SBNO2: variants seen among roughly 807,000 people sequenced by gnomAD.
The protein encoded by SBNO2 is protein strawberry notch homolog 2.
In SBNO2, 89 loss-of-function variants were observed where a neutral mutation model predicts 146.3. That is an observed-to-expected ratio of 0.61 (90% CI 0.51 to 0.73). The LOEUF is 0.73. SBNO2 is among the 30% of genes least tolerant of loss of function. The pLI is 0.00. For synonymous variants in SBNO2, 1,147 were observed against 892.6 expected (o/e 1.29, Z -5.08); for missense variants, 2,092 against 2,003.7 (o/e 1.04, Z -0.84).
chr19:1,149,422 G>A lies in SBNO2; in HGVS notation c.114C>T (p.Pro38=), dbSNP rs1444651421. The change falls in exon 3 of 32, where the codon CCC becomes CCT. Residue 38 remains proline, a synonymous_variant. Coordinates refer to ENST00000361757, the MANE Select transcript of SBNO2 (RefSeq NM_014963.3). Reference sequence around the variant, plus strand: ...GCGGCAGCGAGAAGGTGTTCCAGTAGGGGCAGTGCAGCATGGCGCTCTAGA... The same window carrying A: ...GCGGCAGCGAGAAGGTGTTCCAGTAAGGGCAGTGCAGCATGGCGCTCTAGA... ...PPLQSAMLHC[P]YWNTFSLPPY... 4 of 1,552,336 alleles carry A rather than the reference G, an allele frequency of 2.6e-6. No homozygotes were observed. The highest frequency in any genetic ancestry group is 2.4e-5 in the South Asian group (2 of 84,126).
chr19:1,160,687 G>A (rs1448878526), intron 1 of SBNO2, among the ~76,000 whole-genome samples: 4 of 152,212 alleles, frequency 2.6e-5, no homozygotes, highest in African/African-American at 4.8e-5. Flanking sequence ...CCGCCACCAC[G>A]GCCCGGATAA....
rs1371081262 is a variant in SBNO2, at chr19:1,123,054, G to A, written c.629-9C>T. On this transcript the variant is annotated splice_polypyrimidine_tract_variant and intron_variant, in intron 7 of 31. Transcript: ENST00000361757. ...CTGCTTCCCGATCTTGGCTGGAGGA[G>A]CAAGGACGGAGGGCAAGGTAAAGGG... is the stretch of plus-strand genomic sequence containing the variant. 6.3e-7 allele frequency: 1 copy of A among 1,591,680 alleles called. No homozygotes were observed. Among genetic ancestry groups the A allele is most frequent in the East Asian group, 2.3e-5 (1 of 43,836 alleles).
At position 1,123,585 on chromosome 19, in the gene SBNO2, C is replaced by A; in HGVS notation, c.577G>T (p.Ala193Ser). The change falls in exon 7 of 32, where the codon GCG becomes TCG. Residue 193 changes from alanine to serine, a missense_variant. By Grantham distance (99) the Ala-to-Ser change is moderately conservative. Coordinates refer to ENST00000361757, the MANE Select transcript of SBNO2 (RefSeq NM_014963.3). Reference protein sequence around the residue: ...EEEDEAEEEEAEELGHTETYA... With the variant: ...EEEDEAEEEESEELGHTETYA... ...GTCTCTGTGTGCCCCAGCTCCTCCGCCTCCTCCTCCTCAGCCTCGTCCTCC... is the reference window on the plus strand; with the variant it reads ...GTCTCTGTGTGCCCCAGCTCCTCCGACTCCTCCTCCTCAGCCTCGTCCTCC... 6.2e-7 allele frequency: 1 copy of A among 1,613,072 alleles called. No homozygotes were observed. Among genetic ancestry groups the A allele is most frequent in the East Asian group, 2.2e-5 (1 of 44,868 alleles).
In SBNO2 at chr19:1,122,521, G is replaced by C. The variant is rs757109846; in HGVS notation, c.952C>G (p.Arg318Gly). Residue 318 changes from arginine to glycine, a missense_variant, in exon 10 of 32, where the codon CGC (arginine) becomes GGC (glycine). By Grantham distance (125) the Arg-to-Gly change is moderately radical. Coordinates refer to ENST00000361757, the MANE Select transcript of SBNO2 (RefSeq NM_014963.3). The part of the protein sequence containing the change: ...VSNDLKYDAE[R>G]DLRDIEATGI... The stretch of plus-strand genomic sequence containing the variant: ...GTGGCTTCGATGTCCCGCAGGTCGC[G>C]CTCCGCATCGTACTTGAGGTCGTTG... The C allele has an allele frequency of 6.4e-7, 1 of 1,561,420 alleles. No homozygotes were observed.
chr19:1,129,609 C>G (rs1031409555), intron 4 of SBNO2, among the ~76,000 whole-genome samples: 4 of 152,116 alleles, frequency 2.6e-5, no homozygotes, highest in Admixed American at 6.5e-5. Flanking sequence ...CGAGGGCCCT[C>G]CGGACACTGC....
At chr19:1,155,302 C>T (rs534904903) in intron 1 of SBNO2, among the ~76,000 whole-genome samples, 67 of 152,338 alleles carry the variant, frequency 4.4e-4, no homozygotes, top group African/African-American at 1.5e-3. Context: ...CGTCTCTGCC[C>T]GGCGCTCCAG....
chr19:1,144,770 GC>G lies in SBNO2; in HGVS notation c.279+2538del, dbSNP rs1181337482. Among the ~76,000 whole-genome samples the G allele has an allele frequency of 6.9e-6, 1 of 144,542 alleles. No homozygotes were observed. Among genetic ancestry groups the G allele is most frequent in the Admixed American group, 6.9e-5 (1 of 14,588 alleles). The allele number at this position is 144,542 out of a possible 152,430, so 94.8% of individuals were successfully genotyped here. On this transcript the variant is annotated intron_variant, in intron 4 of 31. Coordinates refer to ENST00000361757, the MANE Select transcript of SBNO2 (RefSeq NM_014963.3). The surrounding 1 kb of genome is among the most constrained non-coding windows in gnomAD (Gnocchi z 4.1). ...TGGAGAGGGAGACAGAGAGACAGAG[GC>G]AGAGACAAAGAGACAGAGACAGAGA...
chr19:1,141,419 T>G (rs1453827239), intron 4 of SBNO2, among the ~76,000 whole-genome samples: 9 of 152,120 alleles, frequency 5.9e-5, no homozygotes, highest in Admixed American at 5.9e-4. Flanking sequence ...TTCGCCACGT[T>G]GGCCAGGATG....
At chr19:1,148,050 C>G (rs4072411) in intron 3 of SBNO2, among the ~76,000 whole-genome samples, 2 of 152,068 alleles carry the variant, frequency 1.3e-5, no homozygotes, top group Admixed American at 6.5e-5. Context: ...CCAGCTCCTG[C>G]GCTTGGGAGA....
rs756416290 is a variant in SBNO2, at chr19:1,108,891, G to A, written c.3504C>T (p.Cys1168=). ...GLRLRHHYML[C]GALLRVWGRI... ...GGCCCCACACGCGCAGCAGCGCGCC[G>A]CACAGCATGTAGTGGTGCCGCAGCC... Residue 1168 remains cysteine, a synonymous_variant, in exon 31 of 32, where the codon TGC becomes TGT. Transcript: ENST00000361757. 3.7e-5 allele frequency: 58 copies of A among 1,587,354 alleles called. No homozygotes were observed. The highest frequency in any genetic ancestry group is 1.9e-4 in the Admixed American group (11 of 58,244).
intron 4 of SBNO2, among the ~76,000 whole-genome samples, chr19:1,145,471 C>T (rs1360021295): frequency 7.3e-6 from 1 of 136,400 alleles, no homozygotes; most frequent in African/African-American, 2.9e-5. Flanking sequence ...AAAACTCTGT[C>T]TCAAAAAAAA....
chr19:1,127,619 G>A lies in SBNO2; in HGVS notation c.426C>T (p.Pro142=). 6.2e-7 allele frequency: 1 copy of A among 1,612,920 alleles called. No homozygotes were observed. Among genetic ancestry groups the A allele is most frequent in the Admixed American group, 1.7e-5 (1 of 60,010 alleles). The part of the protein sequence containing the change: ...VSTIWDDNPA[P]STHDKLFQLS... The stretch of plus-strand genomic sequence containing the variant: ...GCGCACTGACCTTATCGTGGGTGGA[G>A]GGGGCAGGGTTATCGTCCCAGATGG... The change falls in exon 5 of 32, where the codon CCC becomes CCT. Residue 142 remains proline, a synonymous_variant. Coordinates refer to ENST00000361757, the MANE Select transcript of SBNO2 (RefSeq NM_014963.3).
At chr19:1,167,127 C>G (rs541987053) in intron 1 of SBNO2, among the ~76,000 whole-genome samples, 4 of 152,390 alleles carry the variant, frequency 2.6e-5, no homozygotes, top group African/African-American at 7.2e-5. Context: ...CCGCTTAGAG[C>G]GAGACTTCAG....
Position 1,119,872 on chromosome 19 carries a change from G to T in SBNO2, c.1267+34C>A, listed in dbSNP as rs565721191. ...GACAGCCAGGCAGAAAGACGCTGCTGCGGGTGGGTCACGTGGGATCCGCAC... is the reference window on the plus strand; with the variant it reads ...GACAGCCAGGCAGAAAGACGCTGCTTCGGGTGGGTCACGTGGGATCCGCAC... On this transcript the variant is annotated intron_variant, in intron 12 of 31. Coordinates refer to ENST00000361757, the MANE Select transcript of SBNO2 (RefSeq NM_014963.3). 105 of 1,465,874 alleles carry T rather than the reference G, an allele frequency of 7.2e-5. No individual in the cohort carries two copies. The Middle Eastern group carries it at 9.3e-4, about 13-fold the overall frequency. The allele number at this position is 1,465,874 out of a possible 1,614,324, so 90.8% of individuals were successfully genotyped here. A position where few individuals can be genotyped will look rare whatever the true frequency, so the allele number is the denominator to read the frequency against.
intron 1 of SBNO2, among the ~76,000 whole-genome samples, chr19:1,156,907 G>A (rs1425745864): frequency 6.0e-5 from 9 of 151,034 alleles, no homozygotes; most frequent in South Asian, 2.1e-4. Flanking sequence ...TCCTGAGAAC[G>A]CCCACCCTCT....
Position 1,123,587 on chromosome 19 carries a change from T to G in SBNO2, c.575A>C (p.Glu192Ala), listed in dbSNP as rs546112565. ...CTCTGTGTGCCCCAGCTCCTCCGCCTCCTCCTCCTCAGCCTCGTCCTCCTC... is the reference window on the plus strand; with the variant it reads ...CTCTGTGTGCCCCAGCTCCTCCGCCGCCTCCTCCTCAGCCTCGTCCTCCTC... ...PEEEDEAEEE[E>A]AEELGHTETY... is the part of the protein sequence containing the mutation. Residue 192 changes from glutamate to alanine, a missense_variant, in exon 7 of 32, where the codon GAG becomes GCG. Coordinates refer to ENST00000361757, the MANE Select transcript of SBNO2 (RefSeq NM_014963.3). The G allele has an allele frequency of 9.6e-5, 155 of 1,612,926 alleles. No individual in the cohort carries two copies. Among genetic ancestry groups the G allele is most frequent in the East Asian group, 6.2e-4 (28 of 44,848 alleles).
At chr19:1,132,222 G>T in intron 4 of SBNO2, 1 of 1,321,760 alleles carries the variant, frequency 7.6e-7, no homozygotes, top group South Asian at 2.0e-5. Flanking sequence ...CCCCAGCATT[G>T]GGTCGGCCGG....
Position 1,120,015 on chromosome 19 carries a change from G to A in SBNO2, c.1158C>T (p.Phe386=), listed in dbSNP as rs750621672. 6.4e-6 allele frequency: 10 copies of A among 1,550,908 alleles called. No individual in the cohort carries two copies. The highest frequency in any genetic ancestry group is 1.4e-5 in the African/African-American group (1 of 73,060). Residue 386 remains phenylalanine (F), a synonymous_variant, in exon 12 of 32, where the codon TTC becomes TTT. Transcript: ENST00000361757. ...CATTCTTGGCTTTGTGACACTCGTC[G>A]AACACGATCTGAGGCACACGTGGGT... ...CGEAFEGVIV[F]DECHKAKNAG... is the part of the protein sequence containing the mutation.
chr19:1,173,366 C>T lies in SBNO2; in HGVS notation c.-127+806G>A, dbSNP rs958954245. On this transcript the variant is annotated intron_variant, in intron 1 of 31. Coordinates refer to ENST00000361757, the MANE Select transcript of SBNO2 (RefSeq NM_014963.3). The surrounding 1 kb of genome is among the most constrained non-coding windows in gnomAD (Gnocchi z 4.7). ...GCGACCCGCACTCCCACCCCCAACA[C>T]GCTCTGCAGACTCCGCCCAGACGGC... Among the ~76,000 whole-genome samples, 1 of 152,252 alleles carries T rather than the reference C, an allele frequency of 6.6e-6. No individual in the cohort carries two copies. Among genetic ancestry groups the T allele is most frequent in the Non-Finnish European group, 1.5e-5 (1 of 68,046 alleles).
Sources: gnomAD v4.1 joint callset for allele counts (sites outside exome capture counted in the v4.1 genomes callset) on GRCh38, gnomAD v4.1.1 for gene constraint, Gnocchi (gnomAD v3.1) non-coding constraint, MANE v1.5 for transcripts, NCBI Gene and HGNC (gene_info 2026-07-23, HGNC 2026-07-21) for gene names.